PDZRN4: variants seen among roughly 807,000 people sequenced by gnomAD.
The protein encoded by PDZRN4 is PDZ domain containing ring finger 4, also known as PDZ domain-containing RING finger protein 4.
Under a neutral mutation model 99.0 loss-of-function variants are expected in PDZRN4, and 70 were observed. The observed-to-expected ratio is 0.71, with a 90% CI of 0.58 to 0.86. The LOEUF is 0.86. Ranked by LOEUF, PDZRN4 falls within the 40% of genes least tolerant of loss-of-function variation. The probability of loss-of-function intolerance (pLI) is 0.00; values close to 1 mark genes in which losing one functional copy is unlikely to be tolerated. For synonymous variants in PDZRN4, 551 were observed against 501.6 expected (o/e 1.10, Z -1.32); for missense variants, 1,474 against 1,331.2 (o/e 1.11, Z -1.67).
rs200005623 is a variant in PDZRN4 at position 41,252,878 on chromosome 12, G to T, written c.843+58690G>T. On this transcript the variant is annotated intron_variant, in intron 3 of 9. Coordinates refer to ENST00000402685, the MANE Select transcript of PDZRN4 (RefSeq NM_001164595.2). ...CTGAAAATGTTTTAGATCTTGAATTGTAGTGGTGGTTAGTTGGGTGTACAT... is the reference window on the plus strand; with the variant it reads ...CTGAAAATGTTTTAGATCTTGAATTTTAGTGGTGGTTAGTTGGGTGTACAT... Among the ~76,000 whole-genome samples the T allele has an allele frequency of 3.9e-5, 6 of 152,298 alleles. No homozygotes were observed. In the East Asian group the frequency reaches 1.2e-3, roughly 29 times the overall value.
At chr12:41,297,541 C>T (rs1195810545) in intron 3 of PDZRN4, among the ~76,000 whole-genome samples, 1 of 152,074 alleles carries the variant, frequency 6.6e-6, no homozygotes, top group East Asian at 1.9e-4. Context: ...GTTCTGACAC[C>T]ATTAAAATTG....
chr12:41,572,702 A>G lies in PDZRN4; in HGVS notation c.1923A>G (p.Gly641=), dbSNP rs1233405341. 6.2e-7 allele frequency: 1 copy of G among 1,614,158 alleles called. No homozygotes were observed. Among genetic ancestry groups the G allele is most frequent in the South Asian group, 1.1e-5 (1 of 91,082 alleles). The change falls in exon 10 of 10, where the codon GGA becomes GGG. Residue 641 remains glycine, a synonymous_variant. Coordinates refer to ENST00000402685, the MANE Select transcript of PDZRN4 (RefSeq NM_001164595.2). ...LELKCKIRNH[G]EYDLYYSSST... ...TCAAATGCAAGATTCGAAATCATGG[A>G]GAGTATGACCTGTATTACTCAAGCA... is the stretch of plus-strand genomic sequence containing the variant.
rs551897082 is a variant in PDZRN4 at position 41,448,920 on chromosome 12, CA to C, written c.844-57531del. Among the ~76,000 whole-genome samples, 8 of 152,156 alleles carry C rather than the reference CA, an allele frequency of 5.3e-5. No individual in the cohort carries two copies. In the South Asian group the frequency reaches 1.7e-3, roughly 32 times the overall value. On this transcript the variant is annotated intron_variant, in intron 3 of 9. Coordinates refer to ENST00000402685, the MANE Select transcript of PDZRN4 (RefSeq NM_001164595.2). ...TGAGGAAACTGTCATTGCTTTTCTC[CA>C]AAAACAAAACATTTATTGGCCCTTC...
At chr12:41,469,713 C>A (rs1005400635) in intron 3 of PDZRN4, among the ~76,000 whole-genome samples, 5 of 152,006 alleles carry the variant, frequency 3.3e-5, no homozygotes, top group Non-Finnish European at 7.4e-5. Flanking sequence ...GGGCCGATCA[C>A]GAGGTCAGGA....
intron 3 of PDZRN4, among the ~76,000 whole-genome samples, chr12:41,367,782 GAATTA>G (rs557930470): frequency 9.9e-4 from 150 of 151,906 alleles, no homozygotes; most frequent in African/African-American, 2.9e-3. Context: ...AGGAATCTAT[GAATTA>G]AATTAATTAT....
chr12:41,507,971 A>G (rs1938237070), intron 4 of PDZRN4, among the ~76,000 whole-genome samples: 4 of 152,192 alleles, frequency 2.6e-5, no homozygotes, highest in Admixed American at 2.6e-4. Context: ...AATACAGCCT[A>G]AAACATAGTA....
At chr12:41,233,553 G>C (rs971062100) in intron 3 of PDZRN4, among the ~76,000 whole-genome samples, 1 of 152,068 alleles carries the variant, frequency 6.6e-6, no homozygotes, top group East Asian at 1.9e-4. Context: ...GTCCAACAAC[G>C]ATAGACTGGA....
intron 3 of PDZRN4, among the ~76,000 whole-genome samples, chr12:41,480,509 T>C (rs1937655491): frequency 2.0e-5 from 3 of 152,320 alleles, no homozygotes; most frequent in South Asian, 4.1e-4. Flanking sequence ...CTAACAGTAG[T>C]GGGTTTTATT....
At chr12:41,517,430 A>G (rs542006721) in intron 5 of PDZRN4, among the ~76,000 whole-genome samples, 2 of 152,244 alleles carry the variant, frequency 1.3e-5, no homozygotes, top group South Asian at 2.1e-4. Context: ...ATATCAAATC[A>G]TATTTTCCAG....
intron 3 of PDZRN4, among the ~76,000 whole-genome samples, chr12:41,446,523 ATGG>A (rs1952730011): frequency 9.3e-6 from 1 of 107,164 alleles, no homozygotes; most frequent in Non-Finnish European, 1.9e-5. Flanking sequence ...TAGAATTTAG[ATGG>A]TTTTTTTTTT....
rs150719708 is a variant in PDZRN4, at chr12:41,341,106, C to T, written c.843+146918C>T. Among the ~76,000 whole-genome samples the T allele has an allele frequency of 1.7e-3, 258 of 151,468 alleles. 2 individuals are homozygous for T. Among genetic ancestry groups the T allele is most frequent in the African/African-American group, 6.1e-3 (252 of 41,354 alleles). ...AAACACATTAATAAAAAGACAAAAACGTGATCATTTCAATAGATGCAGAGA... is the reference window on the plus strand; with the variant it reads ...AAACACATTAATAAAAAGACAAAAATGTGATCATTTCAATAGATGCAGAGA... On this transcript the variant is annotated intron_variant, in intron 3 of 9. Transcript: ENST00000402685.
chr12:41,478,138 C>T (rs568450517), intron 3 of PDZRN4, among the ~76,000 whole-genome samples: 29 of 151,850 alleles, frequency 1.9e-4, no homozygotes, highest in East Asian at 9.7e-4. Context: ...TTTTTGGAGA[C>T]GAAGACTCAC....
Position 41,506,648 on chromosome 12 carries a change from C to G in PDZRN4, c.1036C>G (p.Leu346Val). 1 of 1,613,866 alleles carries G rather than the reference C, an allele frequency of 6.2e-7. No individual in the cohort carries two copies. Among genetic ancestry groups the G allele is most frequent in the Non-Finnish European group, 8.5e-7 (1 of 1,179,824 alleles). Reference protein sequence around the residue: ...TDITFEHIMALAKLRPPTPPV... With the variant: ...TDITFEHIMAVAKLRPPTPPV... ...CATCACCTTCGAACACATCATGGCT[C>G]TGGCCAAGCTTCGTCCACCTACCCC... Residue 346 changes from leucine to valine, a missense_variant, in exon 4 of 10, where the codon CTG becomes GTG. By Grantham distance (32) the Leu-to-Val change is conservative. Coordinates refer to ENST00000402685, the MANE Select transcript of PDZRN4 (RefSeq NM_001164595.2).
chr12:41,275,986 A>G (rs1951347705), intron 3 of PDZRN4, among the ~76,000 whole-genome samples: 1 of 152,180 alleles, frequency 6.6e-6, no homozygotes, highest in Non-Finnish European at 1.5e-5. Context: ...CAGGCAGAGG[A>G]AACTCCAGAT....
At chr12:41,534,104 T>C (rs1409870749) in intron 5 of PDZRN4, among the ~76,000 whole-genome samples, 2 of 152,224 alleles carry the variant, frequency 1.3e-5, no homozygotes, top group African/African-American at 4.8e-5. Flanking sequence ...CTGATTCATA[T>C]GTTACCTTCA....
intron 3 of PDZRN4, among the ~76,000 whole-genome samples, chr12:41,197,925 T>TTTTTTTTTTTG (rs1566352697): frequency 7.4e-6 from 1 of 135,040 alleles, no homozygotes. Context: ...TCTGGGTTTT[T>TTTTTTTTTTTG]TTTTTTGGAG....
At chr12:41,481,430 A>T (rs1344645936) in intron 3 of PDZRN4, among the ~76,000 whole-genome samples, 3 of 152,136 alleles carry the variant, frequency 2.0e-5, no homozygotes, top group African/African-American at 7.2e-5. Context: ...AGTCCAGCTT[A>T]TTAACTTGGC....
intron 3 of PDZRN4, among the ~76,000 whole-genome samples, chr12:41,439,214 C>T (rs1952656549): frequency 6.6e-6 from 1 of 152,116 alleles, no homozygotes; most frequent in Non-Finnish European, 1.5e-5. Flanking sequence ...AGAAGATTAA[C>T]ATTGTTAATT....
intron 3 of PDZRN4, among the ~76,000 whole-genome samples, chr12:41,265,215 T>C (rs1951268303): frequency 6.6e-6 from 1 of 152,206 alleles, no homozygotes; most frequent in Admixed American, 6.5e-5. Context: ...GAAGAAATCC[T>C]GGGCTTCTTT....
Sources: allele counts gnomAD v4.1 joint callset (sites outside exome capture counted in the v4.1 genomes callset), GRCh38; gene constraint gnomAD v4.1.1; transcripts MANE v1.5; gene names NCBI Gene and HGNC (gene_info 2026-07-23, HGNC 2026-07-21).